Variants in SMUG1 observed in about 807,000 individuals in gnomAD.
The protein encoded by SMUG1 is single-strand selective monofunctional uracil DNA glycosylase.
A neutral mutation model predicts 23.9 loss-of-function variants in SMUG1; 13 were observed. The ratio of observed to expected loss-of-function variants is 0.54; its 90% CI spans 0.35 to 0.86. SMUG1 has a LOEUF of 0.86. SMUG1 is among the 40% of genes least tolerant of loss of function. The pLI, the probability that SMUG1 is intolerant of heterozygous loss-of-function variation, is 0.01. For synonymous variants in SMUG1, 133 were observed against 139.8 expected (o/e 0.95, Z 0.34); for missense variants, 313 against 339.5 (o/e 0.92, Z 0.61).
intron 1 of SMUG1, among the ~76,000 whole-genome samples, chr12:54,188,133 C>G (rs998908630): frequency 2.6e-5 from 4 of 151,750 alleles, no homozygotes; most frequent in Non-Finnish European, 5.9e-5. Context: ...CACCAAGGGC[C>G]GACTTCAGAC....
At chr12:54,173,558 C>T (rs953874565) in intron 2 of SMUG1, among the ~76,000 whole-genome samples, 7 of 152,296 alleles carry the variant, frequency 4.6e-5, no homozygotes, top group Admixed American at 3.3e-4. Flanking sequence ...GCCCGCGCGG[C>T]CCGCCGCCGA....
chr12:54,182,192 A>G lies in SMUG1; in HGVS notation c.717T>C (p.His239=). The G allele has an allele frequency of 6.2e-7, 1 of 1,611,176 alleles. No individual in the cohort carries two copies. Among genetic ancestry groups the G allele is most frequent in the Middle Eastern group, 1.7e-4 (1 of 6,012 alleles). ...MPEVQVEGLL[H]PSPRNPQANK... ...TGGCCTGTGGGTTACGGGGAGAGGG[A>G]TGCAGGAGCCCTTCCACCTGGACCT... Residue 239 remains histidine (H), a synonymous_variant, in exon 4 of 4, where the codon CAT becomes CAC. Transcript: ENST00000682136.
At chr12:54,172,042 T>TCTGGGACCATAATGGA (rs2136545237) in exon 3 of SMUG1, 1 of 455,346 alleles carries the variant, frequency 2.2e-6, no homozygotes, top group African/African-American at 2.0e-5. Context: ...TGCAATCAGC[T>TCTGGGACCATAATGGA]CCTGACTGGT....
At chr12:54,162,620 A>G (rs1368765304), downstream of SMUG1, 1 of 152,220 alleles carries the variant, frequency 6.6e-6, no homozygotes, top group Non-Finnish European at 1.5e-5. Context: ...GAGACTTCAA[A>G]TGGAGTAGCA....
chr12:54,167,471 G>T (rs74089907), intron 3 of SMUG1, among the ~76,000 whole-genome samples: 1,731 of 152,228 alleles, frequency 0.011, 30 homozygotes, highest in African/African-American at 0.039. Flanking sequence ...CAGACAGACC[G>T]ACAAGAAGGG....
intron 2 of SMUG1, among the ~76,000 whole-genome samples, chr12:54,185,800 G>A (rs1418618189): frequency 6.6e-6 from 1 of 152,132 alleles, no homozygotes; most frequent in Non-Finnish European, 1.5e-5. Flanking sequence ...CTGGGCTACA[G>A]AGGGAGACTG....
At chr12:54,176,428 C>A (rs1940750862), downstream of SMUG1, among the ~76,000 whole-genome samples, 1 of 150,042 alleles carries the variant, frequency 6.7e-6, no homozygotes, top group Admixed American at 6.7e-5. Flanking sequence ...GGGAGGACAC[C>A]TGAGCCCAGG....
intron 2 of SMUG1, among the ~76,000 whole-genome samples, chr12:54,173,543 A>C (rs1334631749): frequency 1.3e-5 from 2 of 151,866 alleles, no homozygotes; most frequent in African/African-American, 4.8e-5. Flanking sequence ...GCTCCACAAA[A>C]CGCCGCCCGC....
chr12:54,184,422 G>A (rs904993563), intron 2 of SMUG1: 3 of 152,790 alleles, frequency 2.0e-5, no homozygotes, highest in African/African-American at 7.2e-5. Context: ...CCACAGCCCA[G>A]AGACCTGGGA....
downstream of SMUG1, among the ~76,000 whole-genome samples, chr12:54,159,745 G>A (rs990589269): frequency 1.3e-5 from 2 of 151,904 alleles, no homozygotes; most frequent in East Asian, 1.9e-4. Flanking sequence ...AGGAAGTGTC[G>A]GTGCAGGTGC....
At chr12:54,178,239 A>G (rs1940801105), downstream of SMUG1, among the ~76,000 whole-genome samples, 1 of 152,128 alleles carries the variant, frequency 6.6e-6, no homozygotes, top group Non-Finnish European at 1.5e-5. Flanking sequence ...TGGCAGCCCT[A>G]GCAGTGTAAT....
intron 3 of SMUG1, among the ~76,000 whole-genome samples, chr12:54,165,778 G>A (rs1347005048): frequency 6.6e-6 from 1 of 152,140 alleles, no homozygotes; most frequent in Non-Finnish European, 1.5e-5. Context: ...AAATGTCCTG[G>A]GAAAAGAAAC....
chr12:54,181,972 G>A lies in SMUG1; in HGVS notation c.*124C>T, dbSNP rs1456793858. ...GACAGTTCAACAGATCAAAGAATAC[G>A]TTTCCCAGCGACCAGGGTGCACAGA... is the stretch of plus-strand genomic sequence containing the variant. On this transcript the variant is annotated 3_prime_UTR_variant, in exon 4 of 4. Coordinates refer to ENST00000682136, the MANE Select transcript of SMUG1 (RefSeq NM_001243787.2). The A allele has an allele frequency of 6.7e-6, 10 of 1,501,178 alleles. No individual in the cohort carries two copies. Among genetic ancestry groups the A allele is most frequent in the African/African-American group, 1.4e-5 (1 of 71,380 alleles). The allele number at this position is 1,501,178 out of a possible 1,614,324, so 93.0% of individuals were successfully genotyped here.
chr12:54,186,155 G>A (rs921826886), intron 2 of SMUG1, among the ~76,000 whole-genome samples: 7 of 152,044 alleles, frequency 4.6e-5, no homozygotes, highest in South Asian at 4.2e-4. Context: ...AGTCAACTAG[G>A]ACTGTTGATT....
In SMUG1 at chr12:54,181,988, G is replaced by A. The variant is rs1941166734; in HGVS notation, c.*108C>T. The A allele has an allele frequency of 6.6e-7, 1 of 1,505,210 alleles. No individual in the cohort carries two copies. The highest frequency in any genetic ancestry group is 8.9e-7 in the Non-Finnish European group (1 of 1,129,396). The allele number at this position is 1,505,210 out of a possible 1,614,324, so 93.2% of individuals were successfully genotyped here. On this transcript the variant is annotated 3_prime_UTR_variant, in exon 4 of 4. Coordinates refer to ENST00000682136, the MANE Select transcript of SMUG1 (RefSeq NM_001243787.2). ...AAAGAATACGTTTCCCAGCGACCAG[G>A]GTGCACAGAAGGACCTTTTGCTCCA... is the stretch of plus-strand genomic sequence containing the variant.
downstream of SMUG1, among the ~76,000 whole-genome samples, chr12:54,176,517 A>ACCCCCCCCC (rs1247915453): frequency 1.3e-5 from 1 of 74,980 alleles, no homozygotes; most frequent in African/African-American, 5.0e-5. Flanking sequence ...TCCCCCCCCA[A>ACCCCCCCCC]AAAAAAAGGC....
chr12:54,169,910 A>C (rs909488044), intron 3 of SMUG1, among the ~76,000 whole-genome samples: 1 of 152,158 alleles, frequency 6.6e-6, no homozygotes, highest in African/African-American at 2.4e-5. Context: ...AGAGAAGCTC[A>C]CTGTTGGGCT....
chr12:54,188,295 A>AAAT (rs757369651), intron 1 of SMUG1, among the ~76,000 whole-genome samples: 2,052 of 68,856 alleles, frequency 0.03, 15 homozygotes, highest in Non-Finnish European at 0.045. Context: ...TAATAATAAT[A>AAAT]AATAATAATA....
At chr12:54,185,884 G>A (rs2136817203) in intron 2 of SMUG1, among the ~76,000 whole-genome samples, 1 of 152,176 alleles carries the variant, frequency 6.6e-6, no homozygotes, top group South Asian at 2.1e-4. Flanking sequence ...AGAAATGGGA[G>A]AGGAAGAAGA....
Sources: allele counts gnomAD v4.1 joint callset (sites outside exome capture counted in the v4.1 genomes callset), GRCh38; gene constraint gnomAD v4.1.1; transcripts MANE v1.5; gene names NCBI Gene and HGNC (gene_info 2026-07-23, HGNC 2026-07-21).